The following PCDHA2 variants were observed in gnomAD, a reference collection of about 807,000 sequenced individuals.
PCDHA2 encodes protocadherin alpha 2.
A neutral mutation model predicts 66.0 loss-of-function variants in PCDHA2; 58 were observed. That is an observed-to-expected ratio of 0.88 (90% CI 0.71 to 1.09). PCDHA2 has a LOEUF of 1.09. PCDHA2 is among the 50% of genes least tolerant of loss of function. PCDHA2 has a pLI of 0.00. For synonymous variants in PCDHA2, 634 were observed against 554.0 expected (o/e 1.14, Z -2.03); for missense variants, 1,267 against 1,242.3 (o/e 1.02, Z -0.30).
rs2150422300 is a variant in PCDHA2, at chr5:140,848,837, G to T, written c.2388+51485G>T. On this transcript the variant is annotated intron_variant, in intron 1 of 3. Coordinates refer to ENST00000526136, the MANE Select transcript of PCDHA2 (RefSeq NM_018905.3). The stretch of plus-strand genomic sequence containing the variant: ...TGGAGGTGATCGTAGACAGGCCGCT[G>T]CAGGTTTTCCATGTGGACGTGGAGG... 11 of 1,590,342 alleles carry T rather than the reference G, an allele frequency of 6.9e-6. 1 individual carries two copies. Among genetic ancestry groups the T allele is most frequent in the Non-Finnish European group, 9.5e-6 (11 of 1,162,060 alleles).
chr5:140,912,860 G>T (rs1554195574), intron 1 of PCDHA2, among the ~76,000 whole-genome samples: 1 of 152,182 alleles, frequency 6.6e-6, no homozygotes, highest in South Asian at 2.1e-4. Flanking sequence ...CAATTGAAAT[G>T]ATATATGGTT....
chr5:140,805,386 G>C, intron 1 of PCDHA2: 1 of 1,098,296 alleles, frequency 9.1e-7, no homozygotes, highest in Non-Finnish European at 1.1e-6. Flanking sequence ...AAGTACTCTG[G>C]TTTCTGTTTG....
chr5:140,814,169 A>T (rs1460326718), intron 1 of PCDHA2: 1 of 152,170 alleles, frequency 6.6e-6, no homozygotes, highest in African/African-American at 2.4e-5. Flanking sequence ...TTATTTTACA[A>T]GTTTTTTTGA....
intron 1 of PCDHA2, chr5:140,807,581 G>C (rs138189439): frequency 2.1e-5 from 34 of 1,614,060 alleles, no homozygotes; most frequent in Non-Finnish European, 2.5e-6. Flanking sequence ...TAACCCGCCG[G>C]TGTTCCCAGC....
intron 1 of PCDHA2, chr5:140,868,793 C>T: frequency 3.1e-6 from 1 of 326,092 alleles, no homozygotes; most frequent in Non-Finnish European, 5.5e-6. Context: ...CTGAATATTC[C>T]ATAAATAAGC....
At chr5:140,803,976 G>T in intron 1 of PCDHA2, 2 of 309,834 alleles carry the variant, frequency 6.5e-6, no homozygotes, top group South Asian at 4.7e-5. Context: ...TTTTCATTTG[G>T]ACTTCCTACT....
At chr5:140,871,833 T>G (rs2053334975) in intron 1 of PCDHA2, among the ~76,000 whole-genome samples, 1 of 152,282 alleles carries the variant, frequency 6.6e-6, no homozygotes, top group African/African-American at 2.4e-5. Flanking sequence ...CCTTCATCTC[T>G]AAACTTCAAT....
chr5:140,846,963 T>C (rs1458103794), intron 1 of PCDHA2, among the ~76,000 whole-genome samples: 3 of 149,600 alleles, frequency 2.0e-5, no homozygotes, highest in African/African-American at 7.3e-5. Context: ...TGTGTTTCAG[T>C]GGTTTTAAAA....
intron 1 of PCDHA2, chr5:140,882,277 T>C: frequency 1.9e-6 from 3 of 1,612,528 alleles, no homozygotes; most frequent in African/African-American, 1.3e-5. Flanking sequence ...CCATGCTGTC[T>C]TCCTGGCAAG....
In PCDHA2 at chr5:140,937,572, G is replaced by C. The variant is rs113857647; in HGVS notation, c.2389-41377G>C. On this transcript the variant is annotated intron_variant, in intron 1 of 3. Transcript: ENST00000526136. ...GCAGAGGTTGCAGTGAGCTGGGATC[G>C]CGTCACTGCACTCTAGCCTGGGCAA... Among the ~76,000 whole-genome samples, 273 of 151,500 alleles carry C rather than the reference G, an allele frequency of 1.8e-3. 1 individual carries two copies. Among genetic ancestry groups the C allele is most frequent in the African/African-American group, 6.4e-3 (263 of 41,048 alleles).
chr5:140,903,902 A>G lies in PCDHA2; in HGVS notation c.2389-75047A>G, dbSNP rs548056424. Among the ~76,000 whole-genome samples the G allele has an allele frequency of 5.9e-5, 9 of 152,370 alleles. No individual in the cohort carries two copies. The South Asian group carries it at 1.9e-3, about 32-fold the overall frequency. On this transcript the variant is annotated intron_variant, in intron 1 of 3. Transcript: ENST00000526136. ...ACATTGAATCTTGACCTGTTTGTCA[A>G]TGATGTGACTTCCTTGCTGCATTGG...
At chr5:140,918,412 A>G (rs1335591362) in intron 1 of PCDHA2, among the ~76,000 whole-genome samples, 5 of 152,252 alleles carry the variant, frequency 3.3e-5, no homozygotes, top group Middle Eastern at 3.4e-3. Context: ...TCTGGCCAGG[A>G]CTTCCAGTAG....
At chr5:140,869,561 C>T (rs781968482) in intron 1 of PCDHA2, 28 of 1,614,032 alleles carry the variant, frequency 1.7e-5, no homozygotes, top group Middle Eastern at 1.6e-4. Context: ...TCGCGTTTTC[C>T]ACTAGAGGGA....
chr5:140,828,017 TA>T lies in PCDHA2; in HGVS notation c.2388+30668del, dbSNP rs1483832628. 6 of 1,514,042 alleles carry T rather than the reference TA, an allele frequency of 4.0e-6. No individual in the cohort carries two copies. In the African/African-American group the frequency reaches 8.4e-5, roughly 21 times the overall value. 93.8% of individuals were successfully genotyped at this position (1,514,042 alleles called of 1,614,324 possible). A position where few individuals can be genotyped will look rare whatever the true frequency, so the allele number is the denominator to read the frequency against. ...GGCGGACGCAGAAGAAATGGATTAA[TA>T]AATTCCGGAACATACAGTATTTTAT... is the stretch of plus-strand genomic sequence containing the variant. On this transcript the variant is annotated intron_variant, in intron 1 of 3. Transcript: ENST00000526136.
chr5:140,866,646 A>G (rs2049474250), intron 1 of PCDHA2: 1 of 152,112 alleles, frequency 6.6e-6, no homozygotes, highest in Admixed American at 6.5e-5. Context: ...GTCAAAATTT[A>G]TTTATGTGTT....
At chr5:140,922,856 T>C (rs2081036799) in intron 1 of PCDHA2, among the ~76,000 whole-genome samples, 1 of 152,072 alleles carries the variant, frequency 6.6e-6, no homozygotes, top group Non-Finnish European at 1.5e-5. Context: ...ACCAAATACA[T>C]AGACAAGGGG....
intron 1 of PCDHA2, chr5:140,841,865 G>C: frequency 1.2e-6 from 2 of 1,613,856 alleles, no homozygotes; most frequent in Non-Finnish European, 1.7e-6. Flanking sequence ...CATGCTAGAT[G>C]TGAATTCAAA....
chr5:140,939,886 T>C (rs1165679302), intron 1 of PCDHA2, among the ~76,000 whole-genome samples: 1 of 152,242 alleles, frequency 6.6e-6, no homozygotes, highest in Non-Finnish European at 1.5e-5. Flanking sequence ...AGTTGTGTTG[T>C]TCAAATATTC....
chr5:140,795,719 T>A lies in PCDHA2; in HGVS notation c.755T>A (p.Leu252Ter). The A allele has an allele frequency of 6.2e-7, 1 of 1,614,130 alleles. No homozygotes were observed. Among genetic ancestry groups the A allele is most frequent in the South Asian group, 1.1e-5 (1 of 91,086 alleles). Residue 252 changes from leucine (L) to a stop codon, truncating the protein, a stop_gained, in exon 1 of 4, where the codon TTA (leucine) becomes TAA (stop). Coordinates refer to ENST00000526136, the MANE Select transcript of PCDHA2 (RefSeq NM_018905.3). LOFTEE classifies it high-confidence loss of function. ...CAATCAGTTTACAAAGTAAAATTGT[T>A]AGAGAATACGGCAAATGGGACCTTA... is the stretch of plus-strand genomic sequence containing the variant. ...FAQSVYKVKL[L>*]ENTANGTLVV...
Sources: allele counts gnomAD v4.1 joint callset (sites outside exome capture counted in the v4.1 genomes callset), GRCh38; gene constraint gnomAD v4.1.1; transcripts MANE v1.5; gene names NCBI Gene and HGNC (gene_info 2026-07-23, HGNC 2026-07-21).